Variants in RAB10 observed in about 807,000 individuals in gnomAD.
RAB10 encodes the protein ras-related protein Rab-10.
Under a neutral mutation model 25.7 loss-of-function variants are expected in RAB10, and 5 were observed. That is an observed-to-expected ratio of 0.19 (90% CI 0.10 to 0.41). RAB10 has a LOEUF of 0.41. RAB10 is among the 10% of genes least tolerant of loss of function. The pLI, the probability that RAB10 is intolerant of heterozygous loss-of-function variation, is 1.00. For missense variants in RAB10, 103 were observed against 245.8 expected (o/e 0.42, Z 3.89); for synonymous variants, 89 against 86.4 (o/e 1.03, Z -0.16).
chr2:26,073,072 ATC>A (rs1024850342), intron 1 of RAB10, among the ~76,000 whole-genome samples: 18 of 152,218 alleles, frequency 1.2e-4, no homozygotes, highest in African/African-American at 4.3e-4. Context: ...GATGAGATTT[ATC>A]TCAAGCTTAT....
chr2:26,070,626 A>G (rs1666604591), intron 1 of RAB10, among the ~76,000 whole-genome samples: 1 of 152,200 alleles, frequency 6.6e-6, no homozygotes, highest in Non-Finnish European at 1.5e-5. Flanking sequence ...TGATAATATG[A>G]CAAATATATC....
chr2:26,048,612 G>C (rs1474172687), intron 1 of RAB10, among the ~76,000 whole-genome samples: 6 of 152,174 alleles, frequency 3.9e-5, no homozygotes, highest in Admixed American at 3.9e-4. Flanking sequence ...GTCTTGACCA[G>C]GTGCAGTGGC....
intron 1 of RAB10, among the ~76,000 whole-genome samples, chr2:26,076,106 G>A (rs1666727671): frequency 6.6e-6 from 1 of 152,106 alleles, no homozygotes; most frequent in Non-Finnish European, 1.5e-5. Flanking sequence ...GCTTAATTGA[G>A]GGCTGTTTAT....
intron 3 of RAB10, among the ~76,000 whole-genome samples, chr2:26,121,923 C>G (rs1374097541): frequency 6.6e-6 from 1 of 152,122 alleles, no homozygotes; most frequent in Non-Finnish European, 1.5e-5. Context: ...TCCCCGTGAA[C>G]AGTTTGTGTC....
At position 26,054,038 on chromosome 2, in the gene RAB10, C is replaced by CTT. The variant is rs72487302; in HGVS notation, c.127+19318_127+19319dup. Among the ~76,000 whole-genome samples, 98 of 87,488 alleles carry CTT rather than the reference C, an allele frequency of 1.1e-3. 1 individual carries two copies. The highest frequency in any genetic ancestry group is 2.7e-3 in the African/African-American group (61 of 22,336). The allele number at this position is 87,488 out of a possible 152,430, so 57.4% of individuals were successfully genotyped here. On this transcript the variant is annotated intron_variant, in intron 1 of 5. Coordinates refer to ENST00000264710, the MANE Select transcript of RAB10 (RefSeq NM_016131.5). ...CTTTTTTTTTTTTTTCCCTTCTGTT[C>CTT]TTTTTTTTTTTTTTTTCCTGTTTTT...
At chr2:26,100,248 C>T (rs1376410447) in intron 2 of RAB10, among the ~76,000 whole-genome samples, 4 of 152,212 alleles carry the variant, frequency 2.6e-5, no homozygotes, top group Non-Finnish European at 5.9e-5. Context: ...GACAATTAAA[C>T]ATTGTACATG....
chr2:26,085,477 A>G (rs1331963075), intron 1 of RAB10, among the ~76,000 whole-genome samples: 7 of 150,456 alleles, frequency 4.7e-5, no homozygotes, highest in Non-Finnish European at 1.0e-4. Flanking sequence ...TGGCAGAGCA[A>G]GACTGTGTCT....
intron 1 of RAB10, among the ~76,000 whole-genome samples, chr2:26,093,095 C>T (rs758563283): frequency 1.3e-5 from 2 of 151,996 alleles, no homozygotes; most frequent in Non-Finnish European, 2.9e-5. Flanking sequence ...GGTGTTAAAC[C>T]ATTTCTTGGT....
chr2:26,131,155 A>G (rs971156991), intron 5 of RAB10, among the ~76,000 whole-genome samples: 7 of 151,936 alleles, frequency 4.6e-5, no homozygotes, highest in Admixed American at 1.3e-4. Context: ...TTAAATAAAG[A>G]TCTCAGTCTA....
intron 3 of RAB10, among the ~76,000 whole-genome samples, chr2:26,110,185 A>G (rs1325621672): frequency 6.6e-6 from 1 of 151,980 alleles, no homozygotes; most frequent in African/African-American, 2.4e-5. Context: ...AAAAATTATA[A>G]AAATCAGCTG....
intron 5 of RAB10, 43 bp from the exon 6 acceptor site, chr2:26,134,895 C>G: frequency 6.9e-7 from 1 of 1,447,440 alleles, no homozygotes; most frequent in South Asian, 1.2e-5. Flanking sequence ...TTATCCATGG[C>G]AGTGTTTTTT....
At chr2:26,126,025 AT>A (rs934772192) in intron 3 of RAB10, among the ~76,000 whole-genome samples, 4 of 152,074 alleles carry the variant, frequency 2.6e-5, no homozygotes, top group African/African-American at 4.8e-5. Context: ...GTTCAAGTTA[AT>A]TTTTTTATAT....
rs1179299147 is a variant in RAB10 at position 26,135,863 on chromosome 2, G to A, written c.*842G>A. On this transcript the variant is annotated 3_prime_UTR_variant, in exon 6 of 6. Transcript: ENST00000264710. ...ATTTAAGAGTGAAAGGGACAAACTA[G>A]TAGGTTTGTCAAGTTTAATATAAAG... is the stretch of plus-strand genomic sequence containing the variant. 1 of 152,582 alleles carries A rather than the reference G, an allele frequency of 6.6e-6. No individual in the cohort carries two copies. The highest frequency in any genetic ancestry group is 1.9e-4 in the East Asian group (1 of 5,190). 9.5% of individuals were successfully genotyped at this position (152,582 alleles called of 1,614,324 possible). A position where few individuals can be genotyped will look rare whatever the true frequency, so the allele number is the denominator to read the frequency against.
At chr2:26,117,906 C>T (rs973466229) in intron 3 of RAB10, among the ~76,000 whole-genome samples, 16 of 152,156 alleles carry the variant, frequency 1.1e-4, no homozygotes, top group African/African-American at 3.9e-4. Flanking sequence ...GACCAAATAA[C>T]TTAGCTTAGG....
intron 1 of RAB10, among the ~76,000 whole-genome samples, chr2:26,077,135 G>A (rs562122236): frequency 3.9e-5 from 6 of 152,090 alleles, no homozygotes; most frequent in Admixed American, 1.3e-4. Flanking sequence ...TTTTGAATTC[G>A]AAATAATTCA....
intron 1 of RAB10, 112 bp downstream of exon 1, chr2:26,034,847 A>G: frequency 4.9e-6 from 7 of 1,430,432 alleles, no homozygotes; most frequent in South Asian, 1.2e-5. Flanking sequence ...TTCCGATTCC[A>G]AACGACACAT....
chr2:26,065,191 T>G (rs1666489439), intron 1 of RAB10, among the ~76,000 whole-genome samples: 1 of 151,414 alleles, frequency 6.6e-6, no homozygotes, highest in South Asian at 2.1e-4. Flanking sequence ...CAGTGCTTGT[T>G]AAAAACATGA....
At chr2:26,120,793 T>A (rs1445568002) in intron 3 of RAB10, among the ~76,000 whole-genome samples, 4 of 152,118 alleles carry the variant, frequency 2.6e-5, no homozygotes, top group Non-Finnish European at 5.9e-5. Context: ...GGTTTCACTG[T>A]GTTAGCCAGG....
intron 5 of RAB10, among the ~76,000 whole-genome samples, chr2:26,131,303 TCATCATGTTTTAA>T (rs1450684086): frequency 8.5e-5 from 13 of 152,124 alleles, no homozygotes; most frequent in Non-Finnish European, 1.6e-4. Flanking sequence ...ACAACAAATC[TCATCATGTTTTAA>T]CAAAGTTTAC....
Sources: allele counts gnomAD v4.1 joint callset (sites outside exome capture counted in the v4.1 genomes callset), GRCh38; gene constraint gnomAD v4.1.1; transcripts MANE v1.5; gene names NCBI Gene and HGNC (gene_info 2026-07-23, HGNC 2026-07-21).